Variants in METTL25B observed in about 807,000 individuals in gnomAD.
METTL25B encodes methyltransferase like 25B.
Under a neutral mutation model 48.4 loss-of-function variants are expected in METTL25B, and 38 were observed. The observed-to-expected ratio is 0.78, with a 90% CI of 0.61 to 1.03. The LOEUF (loss-of-function observed/expected upper bound fraction) is 1.03, where lower values mean the gene tolerates loss of function less well. Ranked by LOEUF, METTL25B falls within the 50% of genes least tolerant of loss-of-function variation. The pLI is 0.00. For missense variants in METTL25B, 537 were observed against 603.7 expected (o/e 0.89, Z 1.16); for synonymous variants, 230 against 254.5 (o/e 0.90, Z 0.92).
intron 7 of METTL25B, 93 bp from the exon 8 acceptor site, chr1:156,736,539 A>G (rs964334646): frequency 9.5e-6 from 14 of 1,467,902 alleles, no homozygotes; most frequent in Admixed American, 5.4e-5. Context: ...ATCCTCCCCC[A>G]TGGGGAAAAG....
chr1:156,730,605 A>C (rs920453681), intron 1 of METTL25B, among the ~76,000 whole-genome samples: 7 of 151,956 alleles, frequency 4.6e-5, no homozygotes, highest in Middle Eastern at 3.4e-3. Flanking sequence ...GGCAGCACAC[A>C]CCTGTAGTCC....
At chr1:156,732,206 G>T in intron 2 of METTL25B, 75 bp from the exon 3 acceptor site, 1 of 1,607,882 alleles carries the variant, frequency 6.2e-7, no homozygotes, top group Non-Finnish European at 8.5e-7. Flanking sequence ...AGGTCTTCCT[G>T]GGCCTCGGGT....
At chr1:156,736,246 G>A (rs1046169281) in intron 7 of METTL25B, 3 of 256,536 alleles carry the variant, frequency 1.2e-5, no homozygotes, top group African/African-American at 2.2e-5. Context: ...TGTAGTCTCA[G>A]CTATTTGGGT....
At position 156,734,297 on chromosome 1, in the gene METTL25B, G is replaced by A. The variant is rs758506685; in HGVS notation, c.925G>A (p.Glu309Lys). The change falls in exon 6 of 8, where the codon GAA (glutamate) becomes AAA (lysine). Residue 309 changes from glutamate to lysine, a missense_variant. Glu to Lys is a moderately conservative substitution (Grantham distance 56). Coordinates refer to ENST00000368216, the MANE Select transcript of METTL25B (RefSeq NM_015997.4). ...SQWVAGLPGY[E>K]LPYRLREGAC... ...GTGGGTGGCTGGGCTGCCTGGCTAT[G>A]AACTGCCCTACCGGCTTCGGGAGGG... 2 of 1,614,072 alleles carry A rather than the reference G, an allele frequency of 1.2e-6. No homozygotes were observed.
At position 156,733,984 on chromosome 1, in the gene METTL25B, C is replaced by T. The variant is rs771419616; in HGVS notation, c.637-25C>T. ...GGACAGCAAACAGACTTCCCATCTG[C>T]CTTTGTCCTTTCCTGCTTCCACAGG... On this transcript the variant is annotated intron_variant, in intron 5 of 7. Transcript: ENST00000368216. The T allele has an allele frequency of 2.5e-6, 4 of 1,571,388 alleles. No individual in the cohort carries two copies. In the East Asian group the frequency reaches 9.0e-5, roughly 35 times the overall value.
chr1:156,733,093 T>C (rs1263208755), intron 4 of METTL25B, 46 bp downstream of exon 4: 2 of 1,557,240 alleles, frequency 1.3e-6, no homozygotes, highest in Non-Finnish European at 8.8e-7. Flanking sequence ...CATGGGGACA[T>C]AGAACACCTG....
At chr1:156,736,062 ATT>A in intron 7 of METTL25B, 153 bp downstream of exon 7, 1 of 616,416 alleles carries the variant, frequency 1.6e-6, no homozygotes, top group Non-Finnish European at 2.6e-6. Flanking sequence ...GGAGTAGGGG[ATT>A]TGTTAAAAAA....
rs779487977 is a variant in METTL25B, at chr1:156,732,139, C to CT, written c.236+25dup. 107 of 1,614,014 alleles carry CT rather than the reference C, an allele frequency of 6.6e-5. No homozygotes were observed. The African/African-American group carries it at 1.1e-3, about 17-fold the overall frequency. ...AGGTATGGGCTAGAAGGTCCCTGTGCTGGGGAACTCAAGGCTTTAAGCCCT... is the reference window on the plus strand; with the variant it reads ...AGGTATGGGCTAGAAGGTCCCTGTGCTTGGGGAACTCAAGGCTTTAAGCCCT... On this transcript the variant is annotated intron_variant, in intron 2 of 7. Transcript: ENST00000368216.
At chr1:156,733,931 T>C in intron 5 of METTL25B, 78 bp from the exon 6 acceptor site, 1 of 1,516,504 alleles carries the variant, frequency 6.6e-7, no homozygotes, top group African/African-American at 1.4e-5. Flanking sequence ...GGAGGACAGA[T>C]CCCTTCCTGT....
rs1348768793 is a variant in METTL25B at position 156,728,651 on chromosome 1, C to T, written c.-454C>T. On this transcript the variant is annotated 5_prime_UTR_variant, in exon 1 of 8. Coordinates refer to ENST00000368216, the MANE Select transcript of METTL25B (RefSeq NM_015997.4). ...GTGGGGGCGGGGGCGGGATGCGCTCCCCGGCCCCTCTAGCCCCGTGGTGGT... is the reference window on the plus strand; with the variant it reads ...GTGGGGGCGGGGGCGGGATGCGCTCTCCGGCCCCTCTAGCCCCGTGGTGGT... 1.0e-6 allele frequency: 1 copy of T among 985,878 alleles called. No individual in the cohort carries two copies. The highest frequency in any genetic ancestry group is 1.2e-6 in the Non-Finnish European group (1 of 830,178). 61.1% of individuals were successfully genotyped at this position (985,878 alleles called of 1,614,324 possible).
In METTL25B at chr1:156,728,632, G is replaced by A; in HGVS notation, c.-473G>A. ...GGAGGAGGGGGCGGCGTGGGTGGGG[G>A]CGGGGGCGGGATGCGCTCCCCGGCC... On this transcript the variant is annotated 5_prime_UTR_variant, in exon 1 of 8. Coordinates refer to ENST00000368216, the MANE Select transcript of METTL25B (RefSeq NM_015997.4). 2.0e-6 allele frequency: 2 copies of A among 982,578 alleles called. No individual in the cohort carries two copies. Among genetic ancestry groups the A allele is most frequent in the Non-Finnish European group, 2.4e-6 (2 of 827,054 alleles). The allele number at this position is 982,578 out of a possible 1,614,324, so 60.9% of individuals were successfully genotyped here.
chr1:156,732,894 G>A, intron 3 of METTL25B, 91 bp from the exon 4 acceptor site: 1 of 1,112,488 alleles, frequency 9.0e-7, no homozygotes, highest in Non-Finnish European at 1.3e-6. Context: ...ATCTTTCTCT[G>A]TCATCTTTGT....
Position 156,734,072 on chromosome 1 carries a change from CTG to C in METTL25B, c.705_706del (p.Cys235Ter). 6.2e-7 allele frequency: 1 copy of C among 1,614,164 alleles called. No individual in the cohort carries two copies. The highest frequency in any genetic ancestry group is 1.3e-5 in the African/African-American group (1 of 75,076). Reference protein sequence around the residue: ...HVVRWVDPTALCEELLLPLEN... With the variant: ...HVVRWVDPTAXCEELLLPLEN... ...GGTTAGGTGGGTAGACCCCACAGCC[CTG>C]TGTGAGGAGCTTCTGCTTCCACTGG... On this transcript the variant is annotated frameshift_variant, in exon 6 of 8. Transcript: ENST00000368216. LOFTEE classifies it high-confidence loss of function.
intron 5 of METTL25B, chr1:156,733,752 G>T: frequency 1.6e-6 from 1 of 644,230 alleles, no homozygotes; most frequent in Non-Finnish European, 2.6e-6. Context: ...CACTACCTGT[G>T]AAGTGGCCAG....
rs954565907 is a variant in METTL25B, at chr1:156,728,735, C to G, written c.-370C>G. 4 of 1,005,454 alleles carry G rather than the reference C, an allele frequency of 4.0e-6. No individual in the cohort carries two copies. In the South Asian group the frequency reaches 1.7e-4, roughly 43 times the overall value. The allele number at this position is 1,005,454 out of a possible 1,614,324, so 62.3% of individuals were successfully genotyped here. A position where few individuals can be genotyped will look rare whatever the true frequency, so the allele number is the denominator to read the frequency against. On this transcript the variant is annotated 5_prime_UTR_variant, in exon 1 of 8. Transcript: ENST00000368216. ...CGGAACTGCAGCCCGCCGGACACCT[C>G]CGGCTTCACTTCCGTAAGAGGAGAG...
rs752182232 is a variant in METTL25B at position 156,736,897 on chromosome 1, A to G, written c.*144A>G. ...AGTTTCATCCCCTTTCTCTCCTTCC[A>G]TGGATTATGTAATACATTGTAAAGT... is the stretch of plus-strand genomic sequence containing the variant. On this transcript the variant is annotated 3_prime_UTR_variant, in exon 8 of 8. Coordinates refer to ENST00000368216, the MANE Select transcript of METTL25B (RefSeq NM_015997.4). 2 of 726,242 alleles carry G rather than the reference A, an allele frequency of 2.8e-6. No individual in the cohort carries two copies. The highest frequency in any genetic ancestry group is 4.4e-6 in the Non-Finnish European group (2 of 453,434). 45.0% of individuals were successfully genotyped at this position (726,242 alleles called of 1,614,324 possible).
At chr1:156,736,108 C>G (rs1307502962) in intron 7 of METTL25B, 199 bp downstream of exon 7, 1 of 461,610 alleles carries the variant, frequency 2.2e-6, no homozygotes, top group Non-Finnish European at 3.8e-6. Context: ...TGGCTCATGC[C>G]TATAATCCCA....
rs577791987 is a variant in METTL25B, at chr1:156,732,182, CAGAG to C, written c.236+70_236+73del. The C allele has an allele frequency of 1.5e-4, 241 of 1,610,700 alleles. No homozygotes were observed. The African/African-American group carries it at 2.7e-3, about 18-fold the overall frequency. On this transcript the variant is annotated intron_variant, in intron 2 of 7. Transcript: ENST00000368216. ...TAAGCCCTGCAGTGAGCATATTGCT[CAGAG>C]AGTCTCATAAGGTCTTCCTGGGCCT...
intron 1 of METTL25B, among the ~76,000 whole-genome samples, chr1:156,730,911 T>A (rs951496140): frequency 2.6e-5 from 4 of 152,264 alleles, no homozygotes; most frequent in Non-Finnish European, 4.4e-5. Flanking sequence ...CAGCAGTACC[T>A]GGCCGAGAAG....
Sources: allele counts gnomAD v4.1 joint callset (sites outside exome capture counted in the v4.1 genomes callset), GRCh38; gene constraint gnomAD v4.1.1; transcripts MANE v1.5; gene names NCBI Gene and HGNC (gene_info 2026-07-23, HGNC 2026-07-21).